F2: variants seen among roughly 807,000 people sequenced by gnomAD.
F2 encodes the protein prothrombin.
A neutral mutation model predicts 81.9 loss-of-function variants in F2; 34 were observed. That is an observed-to-expected ratio of 0.42 (90% CI 0.32 to 0.55). The LOEUF (loss-of-function observed/expected upper bound fraction) is 0.55, where lower values mean the gene tolerates loss of function less well. Among genes scored for constraint, F2 ranks in the 20% least tolerant of loss-of-function variants. F2 has a pLI of 0.18. For missense variants in F2, 630 were observed against 833.4 expected, an observed-to-expected ratio of 0.76 and a Z score of 3.00; for synonymous variants, 296 against 326.4, an observed-to-expected ratio of 0.91 and a Z score of 1.01.
At position 46,726,971 on chromosome 11, in the gene F2, C is replaced by CA; in HGVS notation, c.1130+135dup. The CA allele has an allele frequency of 7.4e-7, 1 of 1,352,142 alleles. No individual in the cohort carries two copies. The highest frequency in any genetic ancestry group is 1.3e-5 in the South Asian group (1 of 78,528). 83.8% of individuals were successfully genotyped at this position (1,352,142 alleles called of 1,614,324 possible). On this transcript the variant is annotated intron_variant, in intron 9 of 13. Transcript: ENST00000311907. This position sits in a 1 kb window ranked among gnomAD's most constrained non-coding sequence, Gnocchi z 5.9. ...TGAGCATCCAGGATCCCACCAACTCCACACAGCAGCCACATGAGATGGGTT... is the reference window on the plus strand; with the variant it reads ...TGAGCATCCAGGATCCCACCAACTCCAACACAGCAGCCACATGAGATGGGTT...
In F2 at chr11:46,726,377, T is replaced by G; in HGVS notation, c.875-121T>G. On this transcript the variant is annotated intron_variant, in intron 7 of 13. Coordinates refer to ENST00000311907, the MANE Select transcript of F2 (RefSeq NM_000506.5). The surrounding 1 kb of genome is among the most constrained non-coding windows in gnomAD (Gnocchi z 5.9). The stretch of plus-strand genomic sequence containing the variant: ...AGGTTATTGCCTAGTAGCCCAACTG[T>G]GCATGCACGCTTAACCTCTGCACCA... 2.6e-6 allele frequency: 4 copies of G among 1,526,594 alleles called. No individual in the cohort carries two copies. Among genetic ancestry groups the G allele is most frequent in the Non-Finnish European group, 3.5e-6 (4 of 1,127,838 alleles). 94.6% of individuals were successfully genotyped at this position (1,526,594 alleles called of 1,614,324 possible). A position where few individuals can be genotyped will look rare whatever the true frequency, so the allele number is the denominator to read the frequency against.
Position 46,726,636 on chromosome 11 carries a change from TGGGCATCCGAGGGGATGCG to T in F2, c.1003+15_1003+33del. 1 of 1,612,064 alleles carries T rather than the reference TGGGCATCCGAGGGGATGCG, an allele frequency of 6.2e-7. No homozygotes were observed. Among genetic ancestry groups the T allele is most frequent in the Non-Finnish European group, 8.5e-7 (1 of 1,178,018 alleles). On this transcript the variant is annotated intron_variant, in intron 8 of 13. Transcript: ENST00000311907. This position sits in a 1 kb window ranked among gnomAD's most constrained non-coding sequence, Gnocchi z 5.9. ...GGCTCGGGAGAGGCAGGTGAGGTAG[TGGGCATCCGAGGGGATGCG>T]GGGCTGCGGGGCTGGTGGCCAGGAC... is the stretch of plus-strand genomic sequence containing the variant.
rs1330507380 is a variant in F2 at position 46,728,324 on chromosome 11, G to A, written c.1298+161G>A. 6.6e-6 allele frequency among the ~76,000 whole-genome samples: 1 copy of A among 152,174 alleles called. No homozygotes were observed. Among genetic ancestry groups the A allele is most frequent in the Non-Finnish European group, 1.5e-5 (1 of 68,006 alleles). On this transcript the variant is annotated intron_variant, in intron 10 of 13. Coordinates refer to ENST00000311907, the MANE Select transcript of F2 (RefSeq NM_000506.5). This position sits in a 1 kb window ranked among gnomAD's most constrained non-coding sequence, Gnocchi z 5.1. ...TGGAAAGCCCATTTGGTCACGTCCT[G>A]ACTGAGGCTTGGAGCTGCGGGGAGA...
chr11:46,724,564 CCA>C (rs1385135019), intron 6 of F2, among the ~76,000 whole-genome samples: 1 of 152,172 alleles, frequency 6.6e-6, no homozygotes, highest in African/African-American at 2.4e-5. Context: ...TCAGCCCTGC[CCA>C]CGTTCCATTG....
At chr11:46,730,711 T>C (rs983401753) in intron 12 of F2, among the ~76,000 whole-genome samples, 1 of 151,676 alleles carries the variant, frequency 6.6e-6, no homozygotes, top group Non-Finnish European at 1.5e-5. Context: ...CACAGAAAAG[T>C]TGTAAAAATA....
In F2 at chr11:46,728,131, T is replaced by G; in HGVS notation, c.1266T>G (p.Leu422=). ...PWDKNFTEND[L]LVRIGKHSRT... The stretch of plus-strand genomic sequence containing the variant: ...ACAAGAACTTCACCGAGAATGACCT[T>G]CTGGTGCGCATTGGCAAGCACTCCC... Residue 422 remains leucine, a synonymous_variant, in exon 10 of 14, where the codon CTT becomes CTG. Coordinates refer to ENST00000311907, the MANE Select transcript of F2 (RefSeq NM_000506.5). This position sits in a 1 kb window ranked among gnomAD's most constrained non-coding sequence, Gnocchi z 5.1. The G allele has an allele frequency of 1.9e-6, 3 of 1,610,826 alleles. No individual in the cohort carries two copies. Among genetic ancestry groups the G allele is most frequent in the Non-Finnish European group, 2.5e-6 (3 of 1,179,016 alleles).
Position 46,728,038 on chromosome 11 carries a change from TG to T in F2, c.1177del (p.Ala393ProfsTer73). ...GGAAGAGTCCCCAGGAGCTGCTGTG[TG>T]GGGCCAGCCTCATCAGTGACCGCTG... ...FRKSPQELLC[G>X]ASLISDRWVL... On this transcript the variant is annotated frameshift_variant, in exon 10 of 14. Transcript: ENST00000311907. LOFTEE classifies it high-confidence loss of function. This position sits in a 1 kb window ranked among gnomAD's most constrained non-coding sequence, Gnocchi z 5.1. 1 of 1,610,804 alleles carries T rather than the reference TG, an allele frequency of 6.2e-7. No individual in the cohort carries two copies. Among genetic ancestry groups the T allele is most frequent in the South Asian group, 1.1e-5 (1 of 90,032 alleles).
chr11:46,728,232 T>G lies in F2; in HGVS notation c.1298+69T>G. On this transcript the variant is annotated intron_variant, in intron 10 of 13. Transcript: ENST00000311907. The surrounding 1 kb of genome is among the most constrained non-coding windows in gnomAD (Gnocchi z 5.1). ...CCTCCAAAGCGATCATGAGGGGCCC[T>G]GGTGGCTCCGGGACACATAGGATGT... The G allele has an allele frequency of 4.0e-6, 6 of 1,505,022 alleles. No homozygotes were observed. The highest frequency in any genetic ancestry group is 5.5e-6 in the Non-Finnish European group (6 of 1,099,878). 93.2% of individuals were successfully genotyped at this position (1,505,022 alleles called of 1,614,324 possible).
chr11:46,726,296 A>C lies in F2; in HGVS notation c.874+123A>C, dbSNP rs940421133. The C allele has an allele frequency of 2.7e-5, 39 of 1,446,218 alleles. No individual in the cohort carries two copies. The highest frequency in any genetic ancestry group is 6.6e-6 in the Non-Finnish European group (7 of 1,062,310). 89.6% of individuals were successfully genotyped at this position (1,446,218 alleles called of 1,614,324 possible). A position where few individuals can be genotyped will look rare whatever the true frequency, so the allele number is the denominator to read the frequency against. On this transcript the variant is annotated intron_variant, in intron 7 of 13. Coordinates refer to ENST00000311907, the MANE Select transcript of F2 (RefSeq NM_000506.5). This position sits in a 1 kb window ranked among gnomAD's most constrained non-coding sequence, Gnocchi z 5.9. ...CGCTCATTACAGCCTTACAGTAACCAGGTGGGGGGTAAGGTCCTGTGCCCA... is the reference window on the plus strand; with the variant it reads ...CGCTCATTACAGCCTTACAGTAACCCGGTGGGGGGTAAGGTCCTGTGCCCA...
chr11:46,725,492 C>G (rs1447119891), intron 6 of F2, among the ~76,000 whole-genome samples: 6 of 152,148 alleles, frequency 3.9e-5, no homozygotes, highest in Non-Finnish European at 8.8e-5. Flanking sequence ...ATTGACCCAT[C>G]CAGGTGAACA....
At position 46,728,550 on chromosome 11, in the gene F2, C is replaced by A; in HGVS notation, c.1299-114C>A. The A allele has an allele frequency of 8.2e-7, 1 of 1,219,400 alleles. No homozygotes were observed. Among genetic ancestry groups the A allele is most frequent in the Non-Finnish European group, 1.2e-6 (1 of 836,916 alleles). 75.5% of individuals were successfully genotyped at this position (1,219,400 alleles called of 1,614,324 possible). On this transcript the variant is annotated intron_variant, in intron 10 of 13. Coordinates refer to ENST00000311907, the MANE Select transcript of F2 (RefSeq NM_000506.5). This position sits in a 1 kb window ranked among gnomAD's most constrained non-coding sequence, Gnocchi z 5.1. ...GCCATGGCAGGAACCAGCCCTATCCCCTCCCTGGTGGCCTGCAGGACACAC... is the reference window on the plus strand; with the variant it reads ...GCCATGGCAGGAACCAGCCCTATCCACTCCCTGGTGGCCTGCAGGACACAC...
chr11:46,733,510 G>T (rs2064926216), intron 12 of F2, among the ~76,000 whole-genome samples: 1 of 151,810 alleles, frequency 6.6e-6, no homozygotes, highest in Non-Finnish European at 1.5e-5. Flanking sequence ...GCCTCTCCTA[G>T]TAAATTTTTA....
chr11:46,736,919 T>G (rs1049748807), intron 12 of F2, among the ~76,000 whole-genome samples: 1 of 152,232 alleles, frequency 6.6e-6, no homozygotes, highest in Non-Finnish European at 1.5e-5. Flanking sequence ...ATATTTTTGA[T>G]GTTGAGTCAT....
chr11:46,734,692 T>A (rs535071024), intron 12 of F2, among the ~76,000 whole-genome samples: 2 of 152,196 alleles, frequency 1.3e-5, no homozygotes, highest in Non-Finnish European at 2.9e-5. Context: ...ATGCCTGTAG[T>A]CCCAGCTACT....
intron 12 of F2, 146 bp downstream of exon 12, chr11:46,729,707 G>C: frequency 1.2e-6 from 1 of 860,142 alleles, no homozygotes; most frequent in Non-Finnish European, 1.8e-6. Context: ...GGAGGTAAAA[G>C]TCTCTATCCC....
At chr11:46,725,399 C>T (rs2064865493) in intron 6 of F2, among the ~76,000 whole-genome samples, 1 of 151,996 alleles carries the variant, frequency 6.6e-6, no homozygotes, top group Non-Finnish European at 1.5e-5. Context: ...AAGTTTATCC[C>T]AACAAAAACA....
At chr11:46,733,957 T>G (rs1444339716) in intron 12 of F2, among the ~76,000 whole-genome samples, 1 of 151,732 alleles carries the variant, frequency 6.6e-6, no homozygotes, top group Non-Finnish European at 1.5e-5. Flanking sequence ...CCCGCTAATT[T>G]TTGTATTTTT....
At chr11:46,721,053 T>G (rs944105600) in intron 4 of F2, among the ~76,000 whole-genome samples, 7 of 151,224 alleles carry the variant, frequency 4.6e-5, no homozygotes, top group Admixed American at 6.6e-5. Context: ...GAATTAATGT[T>G]TTTTTTTTTG....
chr11:46,728,611 T>C lies in F2; in HGVS notation c.1299-53T>C, dbSNP rs1056010322. On this transcript the variant is annotated intron_variant, in intron 10 of 13. Transcript: ENST00000311907. The surrounding 1 kb of genome is among the most constrained non-coding windows in gnomAD (Gnocchi z 5.1). ...ACCCCAAGGGCAGGCAGTTTCCTGC[T>C]CCTTGCTGGGTGAACCTGCAGCTTC... 2.5e-6 allele frequency: 4 copies of C among 1,606,568 alleles called. No homozygotes were observed. The African/African-American group carries it at 4.0e-5, about 16-fold the overall frequency.
Sources: allele counts gnomAD v4.1 joint callset (sites outside exome capture counted in the v4.1 genomes callset), GRCh38; gene constraint gnomAD v4.1.1; non-coding constraint Gnocchi (gnomAD v3.1); transcripts MANE v1.5; gene names NCBI Gene and HGNC (gene_info 2026-07-23, HGNC 2026-07-21).